Variants in JMJD1C observed in about 807,000 individuals in gnomAD.
The protein encoded by JMJD1C is jumonji domain-containing protein 1C.
In JMJD1C, 31 loss-of-function variants were observed where a neutral mutation model predicts 245.3. The ratio of observed to expected loss-of-function variants is 0.13; its 90% CI spans 0.09 to 0.17. The LOEUF (loss-of-function observed/expected upper bound fraction) is 0.17. Among genes scored for constraint, JMJD1C ranks in the 10% least tolerant of loss-of-function variants. The pLI is 1.00. For synonymous variants in JMJD1C, 1,057 were observed against 1,017.4 expected (o/e 1.04, Z -0.74); for missense variants, 2,691 against 3,000.2 (o/e 0.90, Z 2.41).
chr10:63,202,842 G>C (rs1310713048), intron 10 of JMJD1C: 2 of 980,868 alleles, frequency 2.0e-6, no homozygotes, highest in Non-Finnish European at 2.4e-6. Flanking sequence ...TTATACTGCT[G>C]ATAAATTTTT....
intron 2 of JMJD1C, among the ~76,000 whole-genome samples, chr10:63,362,307 A>G (rs1017180686): frequency 3.3e-5 from 5 of 151,872 alleles, no homozygotes; most frequent in Admixed American, 3.3e-4. Flanking sequence ...CTTTTAATTC[A>G]TAACTAAAGT....
chr10:63,356,674 C>A (rs1944871801), intron 2 of JMJD1C, among the ~76,000 whole-genome samples: 1 of 152,046 alleles, frequency 6.6e-6, no homozygotes, highest in African/African-American at 2.4e-5. Flanking sequence ...TAGTTTAAAA[C>A]AACACTTTTG....
chr10:63,348,356 C>G (rs144951028), intron 2 of JMJD1C, among the ~76,000 whole-genome samples: 2 of 152,250 alleles, frequency 1.3e-5, no homozygotes, highest in East Asian at 3.9e-4. Context: ...TGAAGATATA[C>G]TGGCTATCTG....
chr10:63,234,561 C>T (rs760648764), intron 3 of JMJD1C, among the ~76,000 whole-genome samples: 1 of 121,092 alleles, frequency 8.3e-6, no homozygotes, highest in Non-Finnish European at 1.7e-5. Flanking sequence ...TAAAAAAAAA[C>T]CTTTTAATAT....
chr10:63,392,778 T>A (rs1241288853), intron 1 of JMJD1C, among the ~76,000 whole-genome samples: 1 of 129,492 alleles, frequency 7.7e-6, no homozygotes, highest in African/African-American at 3.1e-5. Flanking sequence ...TGAGCCGAGA[T>A]CACGCCACTG....
chr10:63,173,511 T>A (rs892565630), intron 24 of JMJD1C, among the ~76,000 whole-genome samples: 2 of 152,054 alleles, frequency 1.3e-5, no homozygotes, highest in African/African-American at 2.4e-5. Context: ...TGCCTGAGCT[T>A]AGGAGTTCGA....
At chr10:63,483,252 A>C (rs1028574856) in intron 1 of JMJD1C, among the ~76,000 whole-genome samples, 1 of 152,248 alleles carries the variant, frequency 6.6e-6, no homozygotes, top group Non-Finnish European at 1.5e-5. Context: ...GTTACAGATA[A>C]AGTATGATAG....
Position 63,175,515 on chromosome 10 carries a change from T to C in JMJD1C, c.7401+782A>G, listed in dbSNP as rs996628648. ...CCTAAGTAGTATTTGTATGGAAGAG[T>C]GCCATAAATGCTAAAACAGTCAATG... On this transcript the variant is annotated intron_variant, in intron 24 of 25. Coordinates refer to ENST00000399262, the MANE Select transcript of JMJD1C (RefSeq NM_032776.3). 4.6e-5 allele frequency among the ~76,000 whole-genome samples: 7 copies of C among 152,164 alleles called. No individual in the cohort carries two copies. In the East Asian group the frequency reaches 5.8e-4, roughly 13 times the overall value.
At chr10:63,352,637 CAAAAAA>C (rs145589142) in intron 2 of JMJD1C, among the ~76,000 whole-genome samples, 1 of 96,710 alleles carries the variant, frequency 1.0e-5, no homozygotes, top group Non-Finnish European at 2.1e-5. Flanking sequence ...GACTCTGTCT[CAAAAAA>C]AAAAAAAAAA....
chr10:63,234,815 A>G (rs1850525521), intron 3 of JMJD1C, among the ~76,000 whole-genome samples: 1 of 152,038 alleles, frequency 6.6e-6, no homozygotes, highest in South Asian at 2.1e-4. Flanking sequence ...CTATTCTATT[A>G]GTACGACATT....
chr10:63,391,411 G>A (rs1948045430), intron 1 of JMJD1C, among the ~76,000 whole-genome samples: 1 of 152,112 alleles, frequency 6.6e-6, no homozygotes, highest in Non-Finnish European at 1.5e-5. Context: ...TTGGGAGGCT[G>A]AGGCAGGAGA....
intron 1 of JMJD1C, among the ~76,000 whole-genome samples, chr10:63,411,942 A>G (rs1949512654): frequency 7.2e-6 from 1 of 138,568 alleles, no homozygotes; most frequent in Non-Finnish European, 1.5e-5. Context: ...TAGAGACAAG[A>G]TCTTGGCCAT....
At chr10:63,218,980 T>G (rs1410018673) in intron 4 of JMJD1C, among the ~76,000 whole-genome samples, 2 of 152,140 alleles carry the variant, frequency 1.3e-5, no homozygotes, top group African/African-American at 4.8e-5. Flanking sequence ...ATGGATAGAA[T>G]AGGGTGATGT....
intron 2 of JMJD1C, among the ~76,000 whole-genome samples, chr10:63,292,525 T>G (rs1182862241): frequency 6.6e-6 from 1 of 151,856 alleles, no homozygotes; most frequent in African/African-American, 2.4e-5. Context: ...GTGGGAGAAT[T>G]GCTTGAACCC....
At chr10:63,441,001 G>C (rs779932223) in intron 1 of JMJD1C, among the ~76,000 whole-genome samples, 4 of 152,192 alleles carry the variant, frequency 2.6e-5, no homozygotes, top group Non-Finnish European at 5.9e-5. Flanking sequence ...AAAAGTGCTT[G>C]AGGTCAGGGA....
chr10:63,178,302 A>G (rs938299118), intron 22 of JMJD1C, among the ~76,000 whole-genome samples: 1 of 152,220 alleles, frequency 6.6e-6, no homozygotes, highest in African/African-American at 2.4e-5. Flanking sequence ...TAGGACTACA[A>G]GAATAGATAA....
intron 11 of JMJD1C, among the ~76,000 whole-genome samples, chr10:63,199,146 C>G (rs1437686835): frequency 6.6e-6 from 1 of 152,078 alleles, no homozygotes; most frequent in African/African-American, 2.4e-5. Context: ...AAAATGCCAA[C>G]TATACATATA....
exon 1 of JMJD1C, chr10:63,521,784 G>A: frequency 3.0e-6 from 1 of 331,612 alleles, no homozygotes; most frequent in East Asian, 4.5e-5. Flanking sequence ...CGAGGGCCTA[G>A]CTGCGGCGAC....
intron 2 of JMJD1C, among the ~76,000 whole-genome samples, chr10:63,280,814 C>T (rs1857292333): frequency 2.0e-5 from 3 of 152,152 alleles, no homozygotes. Context: ...GTATTATTCA[C>T]ATGAACTGGC....
Sources: gnomAD v4.1 joint callset for allele counts (sites outside exome capture counted in the v4.1 genomes callset) on GRCh38, gnomAD v4.1.1 for gene constraint, MANE v1.5 for transcripts, NCBI Gene and HGNC (gene_info 2026-07-23, HGNC 2026-07-21) for gene names.